TECRL: variants seen among roughly 807,000 people sequenced by gnomAD.
TECRL encodes the protein trans-2,3-enoyl-CoA reductase-like.
TECRL carries 63 observed loss-of-function variants against 52.8 expected under a neutral mutation model. That is an observed-to-expected ratio of 1.19 (90% CI 0.97 to 1.47). TECRL has a LOEUF of 1.47. Among genes scored for constraint, TECRL ranks in the 40% most tolerant of loss-of-function variants. The probability of loss-of-function intolerance (pLI) is 0.00; values close to 1 mark genes in which losing one functional copy is unlikely to be tolerated. For synonymous variants in TECRL, 164 were observed against 141.9 expected, an observed-to-expected ratio of 1.16 and a Z score of -1.10; for missense variants, 482 against 429.6, an observed-to-expected ratio of 1.12 and a Z score of -1.08.
chr4:64,383,291 A>G, intron 1 of TECRL, among the ~76,000 whole-genome samples: 1 of 152,216 alleles, frequency 6.6e-6, no homozygotes, highest in African/African-American at 2.4e-5. Flanking sequence ...AAGCTCCTGT[A>G]TCTGGATGTC....
At chr4:64,280,841 A>G (rs2109922732) in intron 11 of TECRL, among the ~76,000 whole-genome samples, 200 bp downstream of exon 11, 1 of 152,302 alleles carries the variant, frequency 6.6e-6, no homozygotes, top group African/African-American at 2.4e-5. Context: ...CCTGGCTTGG[A>G]TTAAGCAACA....
Position 64,381,877 on chromosome 4 carries a change from G to A in TECRL, c.235-6654C>T, listed in dbSNP as rs141426033. Among the ~76,000 whole-genome samples the A allele has an allele frequency of 1.2e-3, 183 of 152,090 alleles. 1 individual carries two copies. Among genetic ancestry groups the A allele is most frequent in the East Asian group, 9.1e-3 (47 of 5,178 alleles). ...TATTTGCGTGTGTGTGTGTGTGCACGCAAGTGCACGTGTGTGTGGGGGGAT... is the reference window on the plus strand; with the variant it reads ...TATTTGCGTGTGTGTGTGTGTGCACACAAGTGCACGTGTGTGTGGGGGGAT... On this transcript the variant is annotated intron_variant, in intron 1 of 11. Coordinates refer to ENST00000381210, the MANE Select transcript of TECRL (RefSeq NM_001010874.5).
At chr4:64,290,600 C>T (rs536711498) in intron 8 of TECRL, among the ~76,000 whole-genome samples, 20 of 152,102 alleles carry the variant, frequency 1.3e-4, no homozygotes, top group African/African-American at 3.6e-4. Context: ...TAAAATATAT[C>T]GGATTTTGTT....
intron 8 of TECRL, among the ~76,000 whole-genome samples, chr4:64,290,282 C>G (rs1373820631): frequency 6.9e-6 from 1 of 145,302 alleles, no homozygotes; most frequent in African/African-American, 2.5e-5. Context: ...TGATCATATG[C>G]ACTCTACTAG....
At chr4:64,386,153 G>A (rs907595490) in intron 1 of TECRL, among the ~76,000 whole-genome samples, 2 of 152,074 alleles carry the variant, frequency 1.3e-5, no homozygotes, top group Non-Finnish European at 2.9e-5. Flanking sequence ...TTGACTGGAA[G>A]CCTTACCAAT....
At chr4:64,303,233 T>A (rs1414063804) in intron 7 of TECRL, among the ~76,000 whole-genome samples, 1 of 91,822 alleles carries the variant, frequency 1.1e-5, no homozygotes, top group Non-Finnish European at 3.1e-5. Flanking sequence ...AATAGTGAAA[T>A]TTTACAGAAA....
chr4:64,369,701 T>C (rs974419758), intron 2 of TECRL, among the ~76,000 whole-genome samples: 5 of 152,026 alleles, frequency 3.3e-5, no homozygotes, highest in African/African-American at 4.8e-5. Flanking sequence ...TTAAAGATTT[T>C]TATCTGAAAG....
intron 2 of TECRL, among the ~76,000 whole-genome samples, chr4:64,350,169 G>C (rs957773624): frequency 6.6e-6 from 1 of 152,142 alleles, no homozygotes; most frequent in African/African-American, 2.4e-5. Context: ...AACTGAGTCA[G>C]AACACATCTT....
At chr4:64,310,442 T>C (rs1724606305) in intron 5 of TECRL, among the ~76,000 whole-genome samples, 2 of 152,164 alleles carry the variant, frequency 1.3e-5, no homozygotes, top group Admixed American at 1.3e-4. Context: ...GTGCTTTGTT[T>C]TTGTTTTGTT....
intron 11 of TECRL, 46 bp downstream of exon 11, chr4:64,280,995 A>T (rs1488254890): frequency 7.0e-7 from 1 of 1,424,054 alleles, no homozygotes; most frequent in Admixed American, 1.8e-5. Context: ...CATTTATCTT[A>T]AAGATGCATT....
At chr4:64,322,446 T>C (rs1234979089) in intron 4 of TECRL, among the ~76,000 whole-genome samples, 3 of 144,376 alleles carry the variant, frequency 2.1e-5, no homozygotes, top group Non-Finnish European at 3.0e-5. Flanking sequence ...ATAGAGTGGG[T>C]TGACTTTAAA....
intron 2 of TECRL, among the ~76,000 whole-genome samples, chr4:64,347,137 G>C (rs1720047242): frequency 6.6e-6 from 1 of 152,140 alleles, no homozygotes; most frequent in South Asian, 2.1e-4. Context: ...TAAATAGCCT[G>C]TTCAAAAAGT....
chr4:64,313,080 A>AT (rs765148478), intron 5 of TECRL, among the ~76,000 whole-genome samples: 81 of 152,186 alleles, frequency 5.3e-4, no homozygotes, highest in Non-Finnish European at 2.2e-4. Flanking sequence ...GTATTTCTTC[A>AT]TAGCAACATG....
At chr4:64,310,428 T>C (rs13104958) in intron 5 of TECRL, among the ~76,000 whole-genome samples, 140,633 of 152,162 alleles carry the variant, frequency 0.92, 65,154 homozygotes, top group East Asian at 1. Flanking sequence ...AATAATGTAG[T>C]TTTGTGCTTT....
At chr4:64,367,810 A>T (rs1411674171) in intron 2 of TECRL, among the ~76,000 whole-genome samples, 1 of 152,172 alleles carries the variant, frequency 6.6e-6, no homozygotes, top group African/African-American at 2.4e-5. Context: ...AATTGGTAAA[A>T]TATGATTCAC....
At chr4:64,403,475 G>GCGCCCACA (rs59253067) in intron 1 of TECRL, among the ~76,000 whole-genome samples, 1 of 148,238 alleles carries the variant, frequency 6.7e-6, no homozygotes, top group South Asian at 2.1e-4. Flanking sequence ...CTCCCTGAGC[G>GCGCCCACA]CACACACACA....
chr4:64,331,597 A>G (rs1216853128), intron 2 of TECRL, among the ~76,000 whole-genome samples: 2 of 152,182 alleles, frequency 1.3e-5, no homozygotes, highest in Non-Finnish European at 2.9e-5. Context: ...AAATCACTTA[A>G]AGATGATTGG....
chr4:64,389,810 A>C (rs1025337822), intron 1 of TECRL, among the ~76,000 whole-genome samples: 3 of 151,880 alleles, frequency 2.0e-5, no homozygotes, highest in African/African-American at 4.8e-5. Context: ...AGATAATTTA[A>C]ATTGTTCTTG....
intron 2 of TECRL, among the ~76,000 whole-genome samples, chr4:64,363,075 A>C (rs1347089822): frequency 6.6e-6 from 1 of 152,150 alleles, no homozygotes; most frequent in Non-Finnish European, 1.5e-5. Context: ...TAAAACAACA[A>C]CTATCAAAAA....
Sources: gnomAD v4.1 joint callset for allele counts (sites outside exome capture counted in the v4.1 genomes callset) on GRCh38, gnomAD v4.1.1 for gene constraint, MANE v1.5 for transcripts, NCBI Gene and HGNC (gene_info 2026-07-23, HGNC 2026-07-21) for gene names.